PDZD2: variants seen among roughly 807,000 people sequenced by gnomAD.
PDZD2 encodes the protein PDZ domain containing 2, also known as PDZ domain-containing protein 2.
Under a neutral mutation model 220.7 loss-of-function variants are expected in PDZD2, and 90 were observed. The observed-to-expected ratio is 0.41, with a 90% confidence interval of 0.34 to 0.49. The LOEUF (loss-of-function observed/expected upper bound fraction) is 0.49. Ranked by LOEUF, PDZD2 falls within the 20% of genes least tolerant of loss-of-function variation. PDZD2 has a pLI of 0.28. For synonymous variants in PDZD2, 1,375 were observed against 1,450.5 expected, an observed-to-expected ratio of 0.95 and a Z score of 1.18; for missense variants, 3,174 against 3,608.5, an observed-to-expected ratio of 0.88 and a Z score of 3.08.
chr5:31,783,141 CAAT>C, intron 1 of PDZD2, among the ~76,000 whole-genome samples: 1 of 152,266 alleles, frequency 6.6e-6, no homozygotes, highest in East Asian at 1.9e-4. Context: ...TTATTGCACT[CAAT>C]AAATATTTGC....
In PDZD2 at chr5:31,977,590, G is replaced by A. The variant is rs970088717; in HGVS notation, c.477-5565G>A. ...TATGATAGAGCATCAAGGAACAGAG[G>A]AGTTGCTCAAAACTTTCTTTGAGAT... On this transcript the variant is annotated intron_variant, in intron 2 of 24. Transcript: ENST00000438447. Among the ~76,000 whole-genome samples the A allele has an allele frequency of 3.9e-5, 6 of 152,302 alleles. No homozygotes were observed. In the South Asian group the frequency reaches 1.2e-3, roughly 32 times the overall value.
At chr5:31,761,941 C>T (rs1751684297) in intron 1 of PDZD2, among the ~76,000 whole-genome samples, 1 of 151,744 alleles carries the variant, frequency 6.6e-6, no homozygotes, top group Non-Finnish European at 1.5e-5. Flanking sequence ...CTGGGAGGGA[C>T]CACAGAAAAC....
intron 6 of PDZD2, among the ~76,000 whole-genome samples, chr5:32,031,196 G>A (rs184697065): frequency 8.1e-4 from 124 of 152,256 alleles, no homozygotes; most frequent in Non-Finnish European, 5.4e-4. Flanking sequence ...TTTTGTGACA[G>A]ACCCTTTAAG....
chr5:32,005,736 A>AT (rs544206646), intron 5 of PDZD2, among the ~76,000 whole-genome samples: 148 of 152,356 alleles, frequency 9.7e-4, no homozygotes, highest in African/African-American at 3.4e-3. Flanking sequence ...AATCGAGCAC[A>AT]GCCCTTTAAA....
intron 7 of PDZD2, 79 bp downstream of exon 7, chr5:32,037,421 G>C (rs558716129): frequency 1.2e-6 from 1 of 801,264 alleles, no homozygotes; most frequent in Admixed American, 2.1e-5. Flanking sequence ...AGCCATTGCC[G>C]GGATGAGCTC....
intron 2 of PDZD2, among the ~76,000 whole-genome samples, chr5:31,805,342 T>C (rs928354528): frequency 7.2e-5 from 11 of 152,252 alleles, no homozygotes; most frequent in Admixed American, 6.5e-4. Context: ...CAAGTGTTCC[T>C]TTTCAGTCTT....
At chr5:31,731,192 C>G (rs1041143956) in intron 1 of PDZD2, among the ~76,000 whole-genome samples, 2 of 152,144 alleles carry the variant, frequency 1.3e-5, no homozygotes, top group African/African-American at 4.8e-5. Context: ...CTTTGTTTTA[C>G]ATTTCCAAAT....
At chr5:31,856,669 ATC>A (rs915115593) in intron 2 of PDZD2, among the ~76,000 whole-genome samples, 1 of 152,038 alleles carries the variant, frequency 6.6e-6, no homozygotes. Context: ...GTTCCTGCTA[ATC>A]TCTGTCACAC....
intron 2 of PDZD2, among the ~76,000 whole-genome samples, chr5:31,954,394 G>A (rs548329480): frequency 2.6e-5 from 4 of 152,242 alleles, no homozygotes; most frequent in South Asian, 4.1e-4. Flanking sequence ...ATGTCTAAAT[G>A]TGTTTTTGTA....
chr5:31,904,167 T>G (rs4867395), intron 2 of PDZD2, among the ~76,000 whole-genome samples: 84,194 of 151,512 alleles, frequency 0.56, 25,969 homozygotes, highest in Middle Eastern at 0.72. Flanking sequence ...TATTCAACAT[T>G]AAGTTATGCC....
At chr5:31,985,765 TTAA>T (rs1221552734) in intron 3 of PDZD2, among the ~76,000 whole-genome samples, 1 of 151,950 alleles carries the variant, frequency 6.6e-6, no homozygotes, top group Non-Finnish European at 1.5e-5. Context: ...AATAATACTA[TTAA>T]TAATAAATTT....
rs760883414 is a variant in PDZD2 at position 32,087,151 on chromosome 5, C to A, written c.3703C>A (p.Leu1235Ile). 1.2e-6 allele frequency: 2 copies of A among 1,611,370 alleles called. No individual in the cohort carries two copies. Among genetic ancestry groups the A allele is most frequent in the Non-Finnish European group, 1.7e-6 (2 of 1,177,688 alleles). Reference sequence around the variant, plus strand: ...CGTAGAACTGGACAGCTCCTCAGACCTCATCTCTTCCCCAGGGAAGAAGGG... The same window carrying A: ...CGTAGAACTGGACAGCTCCTCAGACATCATCTCTTCCCCAGGGAAGAAGGG... ...PMTELDSSSD[L>I]ISSPGKKGAA... The change falls in exon 20 of 25, where the codon CTC (leucine) becomes ATC (isoleucine). Residue 1235 changes from leucine to isoleucine, a missense_variant. By Grantham distance (5) the Leu-to-Ile change is conservative. Coordinates refer to ENST00000438447, the MANE Select transcript of PDZD2 (RefSeq NM_178140.4). This position sits in a 1 kb window ranked among gnomAD's most constrained non-coding sequence, Gnocchi z 4.0.
intron 4 of PDZD2, among the ~76,000 whole-genome samples, chr5:31,998,073 C>T (rs1368850557): frequency 6.6e-6 from 1 of 152,098 alleles, no homozygotes; most frequent in East Asian, 1.9e-4. Flanking sequence ...GAACTCCTGA[C>T]CTCGTGATCC....
intron 5 of PDZD2, among the ~76,000 whole-genome samples, chr5:32,002,772 CACCAA>C (rs1378969065): frequency 1.2e-4 from 15 of 120,734 alleles, no homozygotes; most frequent in Non-Finnish European, 1.9e-4. Flanking sequence ...ACACCACACA[CACCAA>C]CACACAACCA....
chr5:31,892,077 A>AT lies in PDZD2; in HGVS notation c.477-91070dup, dbSNP rs538257625. ...AGGTGTGCACCACCATGCCTGGCTAATTTTTTTTATTTTTTGTAGAGATGT... is the reference window on the plus strand; with the variant it reads ...AGGTGTGCACCACCATGCCTGGCTAATTTTTTTTTATTTTTTGTAGAGATGT... On this transcript the variant is annotated intron_variant, in intron 2 of 24. Transcript: ENST00000438447. Among the ~76,000 whole-genome samples, 36 of 151,644 alleles carry AT rather than the reference A, an allele frequency of 2.4e-4. No individual in the cohort carries two copies. In the South Asian group the frequency reaches 5.9e-3, roughly 25 times the overall value.
chr5:31,731,054 T>A (rs2150156554), intron 1 of PDZD2, among the ~76,000 whole-genome samples: 1 of 152,248 alleles, frequency 6.6e-6, no homozygotes, highest in East Asian at 1.9e-4. Context: ...CAAGCCTAAA[T>A]TGCTTGGCCT....
intron 2 of PDZD2, among the ~76,000 whole-genome samples, chr5:31,863,978 C>T (rs866315020): frequency 2.0e-5 from 3 of 152,126 alleles, no homozygotes; most frequent in Non-Finnish European, 4.4e-5. Context: ...TTTCTTCCCC[C>T]GCCCCCAATT....
intron 1 of PDZD2, among the ~76,000 whole-genome samples, chr5:31,690,727 C>T (rs1747085670): frequency 6.6e-6 from 1 of 152,170 alleles, no homozygotes. Flanking sequence ...TAGGGCCCGC[C>T]TGGATAATCC....
intron 2 of PDZD2, among the ~76,000 whole-genome samples, chr5:31,838,340 G>A (rs1041076401): frequency 1.3e-5 from 2 of 152,204 alleles, no homozygotes; most frequent in Non-Finnish European, 2.9e-5. Context: ...TTACAGGCAT[G>A]AGCCACCATA....
Sources: gnomAD v4.1 joint callset for allele counts (sites outside exome capture counted in the v4.1 genomes callset) on GRCh38, gnomAD v4.1.1 for gene constraint, Gnocchi (gnomAD v3.1) non-coding constraint, MANE v1.5 for transcripts, NCBI Gene and HGNC (gene_info 2026-07-23, HGNC 2026-07-21) for gene names.